The following CCDC102B variants were observed in gnomAD, a reference collection of about 807,000 sequenced individuals.
The protein encoded by CCDC102B is coiled-coil domain-containing protein 102B.
CCDC102B carries 75 observed loss-of-function variants against 57.4 expected under a neutral mutation model. The observed-to-expected ratio is 1.31, with a 90% confidence interval of 1.08 to 1.58. The LOEUF (loss-of-function observed/expected upper bound fraction) is 1.58. Ranked by LOEUF, CCDC102B falls within the 40% of genes most tolerant of loss-of-function variation. The pLI, the probability that CCDC102B is intolerant of heterozygous loss-of-function variation, is 0.00. For missense variants in CCDC102B, 636 were observed against 582.6 expected (o/e 1.09, Z -0.94); for synonymous variants, 206 against 201.9 (o/e 1.02, Z -0.17).
chr18:68,723,579 C>T (rs309237), intron 2 of CCDC102B, among the ~76,000 whole-genome samples: 16,659 of 152,184 alleles, frequency 0.11, 2,424 homozygotes, highest in African/African-American at 0.33. Context: ...GGGCCCCATG[C>T]AAGTCCGAAA....
chr18:69,009,713 T>C (rs923185362), intron 6 of CCDC102B, among the ~76,000 whole-genome samples: 1 of 151,788 alleles, frequency 6.6e-6, no homozygotes, highest in African/African-American at 2.4e-5. Context: ...TGATTTGAGA[T>C]GTGAAAATAA....
intron 2 of CCDC102B, among the ~76,000 whole-genome samples, chr18:68,784,327 CA>C (rs1327030932): frequency 6.6e-6 from 1 of 152,014 alleles, no homozygotes; most frequent in Non-Finnish European, 1.5e-5. Flanking sequence ...AGGGAAGTGA[CA>C]CACATTTTTA....
intron 2 of CCDC102B, among the ~76,000 whole-genome samples, chr18:68,778,614 C>T (rs187879994): frequency 6.6e-6 from 1 of 152,160 alleles, no homozygotes; most frequent in Admixed American, 6.5e-5. Context: ...ACTCAGTTAA[C>T]TGAAATATGT....
intron 6 of CCDC102B, among the ~76,000 whole-genome samples, chr18:68,902,520 T>G (rs755348096): frequency 3.9e-5 from 6 of 152,168 alleles, no homozygotes; most frequent in Non-Finnish European, 8.8e-5. Flanking sequence ...GGACCTTTTC[T>G]GAAACACAAA....
chr18:69,048,381 A>T (rs890620090), intron 7 of CCDC102B, among the ~76,000 whole-genome samples: 4 of 152,110 alleles, frequency 2.6e-5, no homozygotes, highest in African/African-American at 9.7e-5. Context: ...TCTAAAAATA[A>T]ATTTTTAATG....
intron 1 of CCDC102B, among the ~76,000 whole-genome samples, chr18:68,835,693 T>G (rs1034601622): frequency 6.6e-6 from 1 of 152,192 alleles, no homozygotes; most frequent in Non-Finnish European, 1.5e-5. Context: ...ATTCTACGTG[T>G]CATGCCATAA....
intron 4 of CCDC102B, among the ~76,000 whole-genome samples, chr18:68,849,640 T>C (rs967692042): frequency 1.4e-4 from 21 of 152,222 alleles, no homozygotes; most frequent in African/African-American, 4.8e-4. Context: ...CAGTGAATTA[T>C]CTGTTACTCA....
chr18:68,765,965 G>A (rs537825455), intron 2 of CCDC102B, among the ~76,000 whole-genome samples: 117 of 151,784 alleles, frequency 7.7e-4, no homozygotes, highest in South Asian at 1.5e-3. Context: ...TAGCAGTTTT[G>A]GCTTGTTAGG....
chr18:68,831,334 G>T (rs543346619), intron 1 of CCDC102B, among the ~76,000 whole-genome samples: 54 of 152,138 alleles, frequency 3.5e-4, no homozygotes, highest in Middle Eastern at 6.8e-3. Flanking sequence ...TGAAGAGGGA[G>T]CAATGAAGAG....
chr18:68,902,220 T>C (rs1170281085), intron 6 of CCDC102B: 1 of 152,244 alleles, frequency 6.6e-6, no homozygotes, highest in Non-Finnish European at 1.5e-5. Flanking sequence ...CATGCTTTCT[T>C]CCAGCACAGG....
chr18:68,721,201 G>A (rs2032306678), intron 2 of CCDC102B: 2 of 152,190 alleles, frequency 1.3e-5, no homozygotes, highest in South Asian at 4.1e-4. Flanking sequence ...ATTTATTGGA[G>A]TATAATACAT....
chr18:69,009,303 G>A (rs150820393), intron 6 of CCDC102B, among the ~76,000 whole-genome samples: 78 of 152,060 alleles, frequency 5.1e-4, no homozygotes, highest in African/African-American at 1.4e-3. Flanking sequence ...AGATCTAGGC[G>A]TCCCTTACGC....
At chr18:68,945,969 T>C (rs547556113) in intron 6 of CCDC102B, among the ~76,000 whole-genome samples, 2 of 152,214 alleles carry the variant, frequency 1.3e-5, no homozygotes, top group African/African-American at 4.8e-5. Context: ...CTTATTTTCT[T>C]ATTTTTGTTC....
At position 69,010,193 on chromosome 18, in the gene CCDC102B, C is replaced by T. The variant is rs1568122809; in HGVS notation, c.1264-741C>T. Among the ~76,000 whole-genome samples, 9 of 149,154 alleles carry T rather than the reference C, an allele frequency of 6.0e-5. 1 individual carries two copies. In the South Asian group the frequency reaches 8.6e-4, roughly 14 times the overall value. On this transcript the variant is annotated intron_variant, in intron 6 of 7. Transcript: ENST00000360242. The stretch of plus-strand genomic sequence containing the variant: ...TTCTGACCTCGTGATCCGCCTGCCT[C>T]GGCCTCCCAAAGTGCTGGGATCACA...
intron 6 of CCDC102B, chr18:68,992,939 C>A: frequency 5.7e-6 from 1 of 176,088 alleles, no homozygotes; most frequent in Non-Finnish European, 1.3e-5. Context: ...TAAAAGCTGC[C>A]CACCAGAGGT....
intron 6 of CCDC102B, among the ~76,000 whole-genome samples, chr18:68,963,571 C>T (rs1347814835): frequency 3.3e-5 from 5 of 151,814 alleles, no homozygotes; most frequent in Non-Finnish European, 7.4e-5. Flanking sequence ...TTTACATGAG[C>T]CCCCTCCCTG....
In CCDC102B at chr18:68,798,988, A is replaced by C. The variant is rs146557387; in HGVS notation, c.-16+807A>C. ...TGTCAGTAACATAGGACCAAAATAT[A>C]TAAAATATTTATTGATATTCTTATT... On this transcript the variant is annotated intron_variant, in intron 1 of 7. Transcript: ENST00000360242. Among the ~76,000 whole-genome samples, 569 of 152,204 alleles carry C rather than the reference A, an allele frequency of 3.7e-3. 9 individuals are homozygous for C. In the East Asian group the frequency reaches 0.039, roughly 10 times the overall value.
Position 68,836,874 on chromosome 18 carries a change from G to T in CCDC102B, c.111G>T (p.Arg37Ser). The T allele has an allele frequency of 6.2e-7, 1 of 1,614,082 alleles. No individual in the cohort carries two copies. Among genetic ancestry groups the T allele is most frequent in the Non-Finnish European group, 8.5e-7 (1 of 1,180,022 alleles). Residue 37 changes from arginine (R) to serine (S), a missense_variant, in exon 2 of 8, where the codon AGG becomes AGT. Physicochemically the swap from Arg to Ser is moderately radical, Grantham distance 110. Coordinates refer to ENST00000360242, the MANE Select transcript of CCDC102B (RefSeq NM_024781.3). ...GDMVAPASPPRDTCNTCFPLH... is the reference protein window; with the variant it reads ...GDMVAPASPPSDTCNTCFPLH... ...TGGTGGCACCTGCCTCACCCCCCAG[G>T]GATACCTGTAATACCTGCTTCCCAC...
At chr18:68,808,115 C>T (rs989783589) in intron 1 of CCDC102B, among the ~76,000 whole-genome samples, 1 of 152,120 alleles carries the variant, frequency 6.6e-6, no homozygotes, top group Non-Finnish European at 1.5e-5. Flanking sequence ...CATTTTGGAT[C>T]TCACTATTAT....
Sources: gnomAD v4.1 joint callset for allele counts (sites outside exome capture counted in the v4.1 genomes callset) on GRCh38, gnomAD v4.1.1 for gene constraint, MANE v1.5 for transcripts, NCBI Gene and HGNC (gene_info 2026-07-23, HGNC 2026-07-21) for gene names.